Variants in TPST1 observed in about 807,000 individuals in gnomAD.
TPST1 encodes tyrosylprotein sulfotransferase 1.
A neutral mutation model predicts 34.8 loss-of-function variants in TPST1; 20 were observed. The observed-to-expected ratio is 0.57, with a 90% CI of 0.40 to 0.84. The LOEUF (loss-of-function observed/expected upper bound fraction) is 0.84. Among genes scored for constraint, TPST1 ranks in the 40% least tolerant of loss-of-function variants. The probability of loss-of-function intolerance (pLI) is 0.00; values close to 1 mark genes in which losing one functional copy is unlikely to be tolerated. For synonymous variants in TPST1, 152 were observed against 159.4 expected (o/e 0.95, Z 0.35); for missense variants, 353 against 455.5 (o/e 0.78, Z 2.05).
Position 66,352,517 on chromosome 7 carries a change from G to T in TPST1, c.1057G>T (p.Glu353Ter), listed in dbSNP as rs1423418999. The T allele has an allele frequency of 6.2e-7, 1 of 1,612,870 alleles. No individual in the cohort carries two copies. The highest frequency in any genetic ancestry group is 8.5e-7 in the Non-Finnish European group (1 of 1,179,744). Residue 353 changes from glutamate (E) to a stop codon, truncating the protein, a stop_gained, in exon 4 of 6, where the codon GAA becomes TAA. Transcript: ENST00000304842. LOFTEE classifies it high-confidence loss of function. Reference sequence around the variant, plus strand: ...TTTGTTTTTCCAGGTCTATAAGGGAGAATTCCAACTACCTGACTTTCTTAA... The same window carrying T: ...TTTGTTTTTCCAGGTCTATAAGGGATAATTCCAACTACCTGACTTTCTTAA... Reference protein sequence around the residue: ...IENTRRVYKGEFQLPDFLKEK... With the variant: ...IENTRRVYKG
chr7:66,337,115 C>A (rs1484501858), intron 3 of TPST1, among the ~76,000 whole-genome samples: 2 of 151,978 alleles, frequency 1.3e-5, no homozygotes. Context: ...CTAAAGGGAG[C>A]TGTTCAGTCA....
intron 1 of TPST1, among the ~76,000 whole-genome samples, chr7:66,207,386 C>T (rs1789153129): frequency 6.6e-6 from 1 of 152,214 alleles, no homozygotes; most frequent in South Asian, 2.1e-4. Flanking sequence ...CTGTGCCTGT[C>T]TGTACCTGAT....
chr7:66,234,400 T>TCTACACACACACACACACACAC (rs1789862945), intron 1 of TPST1, among the ~76,000 whole-genome samples: 1 of 142,852 alleles, frequency 7.0e-6, no homozygotes, highest in Non-Finnish European at 1.5e-5. Flanking sequence ...AAAGCATGGC[T>TCTACACACACACACACACACAC]ACACACACAC....
chr7:66,220,019 G>T (rs1028044789), intron 1 of TPST1, among the ~76,000 whole-genome samples: 1 of 152,118 alleles, frequency 6.6e-6, no homozygotes, highest in African/African-American at 2.4e-5. Flanking sequence ...TCAATAAAGG[G>T]AGTGGATTAG....
intron 2 of TPST1, among the ~76,000 whole-genome samples, chr7:66,245,459 G>A (rs1790127178): frequency 6.6e-6 from 1 of 152,232 alleles, no homozygotes; most frequent in Non-Finnish European, 1.5e-5. Flanking sequence ...CCTGGAGGGT[G>A]GTGGAGGATG....
chr7:66,220,218 A>G (rs545176227), intron 1 of TPST1, among the ~76,000 whole-genome samples: 1 of 152,332 alleles, frequency 6.6e-6, no homozygotes, highest in East Asian at 1.9e-4. Flanking sequence ...ACATTTATCA[A>G]GTGCTCAATA....
intron 2 of TPST1, among the ~76,000 whole-genome samples, chr7:66,265,672 TA>T (rs1790578336): frequency 6.6e-6 from 1 of 152,018 alleles, no homozygotes; most frequent in African/African-American, 2.4e-5. Flanking sequence ...CCAAGCAGGA[TA>T]AAACCAGAGA....
intron 2 of TPST1, among the ~76,000 whole-genome samples, chr7:66,256,555 A>T (rs1364929173): frequency 1.3e-5 from 2 of 152,194 alleles, no homozygotes; most frequent in South Asian, 2.1e-4. Context: ...GTGTTTCTGT[A>T]TATGGCTACT....
chr7:66,309,529 C>T (rs1310154543), intron 3 of TPST1, among the ~76,000 whole-genome samples: 1 of 152,096 alleles, frequency 6.6e-6, no homozygotes, highest in Admixed American at 6.5e-5. Context: ...CAGGTTGGTT[C>T]AGGAGTAGGA....
At chr7:66,323,242 A>C (rs1186728112) in intron 3 of TPST1, among the ~76,000 whole-genome samples, 2 of 152,170 alleles carry the variant, frequency 1.3e-5, no homozygotes, top group Non-Finnish European at 2.9e-5. Context: ...TGGGCCATCT[A>C]TCCAGACCAG....
At chr7:66,269,504 ATCATATCAT>A (rs1293927583) in intron 2 of TPST1, among the ~76,000 whole-genome samples, 1 of 152,218 alleles carries the variant, frequency 6.6e-6, no homozygotes, top group African/African-American at 2.4e-5. Flanking sequence ...AAACCATATG[ATCATATCAT>A]TCAGTGCTGA....
chr7:66,322,507 CTTGT>C (rs1193053601), intron 3 of TPST1, among the ~76,000 whole-genome samples: 2 of 152,130 alleles, frequency 1.3e-5, no homozygotes, highest in African/African-American at 2.4e-5. Context: ...TTGTGACTGG[CTTGT>C]TTGAGTTAGC....
At chr7:66,267,690 A>T (rs969961019) in intron 2 of TPST1, among the ~76,000 whole-genome samples, 5 of 152,296 alleles carry the variant, frequency 3.3e-5, no homozygotes, top group African/African-American at 1.2e-4. Context: ...TGCTGATTTT[A>T]TCTGAAAAAT....
At chr7:66,211,580 C>T (rs1320938702) in intron 1 of TPST1, among the ~76,000 whole-genome samples, 1 of 152,216 alleles carries the variant, frequency 6.6e-6, no homozygotes, top group Non-Finnish European at 1.5e-5. Context: ...TAAAACAGAG[C>T]TTGAACTCAT....
the TPST1 span, among the ~76,000 whole-genome samples, chr7:66,199,294 C>CTTTTTTTTTTT: frequency 1.6e-5 from 2 of 125,860 alleles, no homozygotes; most frequent in Middle Eastern, 4.2e-3. Context: ...TCATCTCCTT[C>CTTTTTTTTTTT]TTTTTTTTTT....
chr7:66,246,179 ATTTTT>A (rs35051150), intron 2 of TPST1, among the ~76,000 whole-genome samples: 2 of 92,396 alleles, frequency 2.2e-5, no homozygotes, highest in African/African-American at 4.2e-5. Context: ...TGCCTGGCTA[ATTTTT>A]TTTTTTTTTT....
At chr7:66,285,869 A>G (rs1278861710) in intron 2 of TPST1, among the ~76,000 whole-genome samples, 1 of 152,212 alleles carries the variant, frequency 6.6e-6, no homozygotes, top group Non-Finnish European at 1.5e-5. Context: ...GAATCCTGTA[A>G]TATTGAAAAT....
intron 2 of TPST1, among the ~76,000 whole-genome samples, chr7:66,248,457 G>T (rs1474080512): frequency 6.7e-6 from 1 of 149,178 alleles, no homozygotes; most frequent in African/African-American, 2.5e-5. Flanking sequence ...TTACAAAACT[G>T]ATACACTTTT....
At chr7:66,277,347 G>A (rs758476118) in intron 2 of TPST1, among the ~76,000 whole-genome samples, 71 of 152,160 alleles carry the variant, frequency 4.7e-4, no homozygotes, top group Non-Finnish European at 1.3e-4. Context: ...TATGGCTGCT[G>A]TGGTGTTTCC....
Sources: gnomAD v4.1 joint callset for allele counts (sites outside exome capture counted in the v4.1 genomes callset) on GRCh38, gnomAD v4.1.1 for gene constraint, MANE v1.5 for transcripts, NCBI Gene and HGNC (gene_info 2026-07-23, HGNC 2026-07-21) for gene names.